SGCD: variants seen among roughly 807,000 people sequenced by gnomAD.
The protein encoded by SGCD is sarcoglycan delta.
Under a neutral mutation model 36.6 loss-of-function variants are expected in SGCD, and 18 were observed. That is an observed-to-expected ratio of 0.49 (90% CI 0.34 to 0.73). SGCD has a LOEUF of 0.73. Ranked by LOEUF, SGCD falls within the 30% of genes least tolerant of loss-of-function variation. The pLI is 0.01. For missense variants in SGCD, 387 were observed against 346.7 expected (o/e 1.12, Z -0.92); for synonymous variants, 133 against 130.6 (o/e 1.02, Z -0.12).
chr5:156,564,435 G>A (rs191740523), intron 4 of SGCD, among the ~76,000 whole-genome samples: 183 of 152,230 alleles, frequency 1.2e-3, no homozygotes, highest in Middle Eastern at 6.8e-3. Context: ...GGGCGACAGA[G>A]CAAGACTCCA....
At chr5:155,878,699 C>A (rs894284170) in intron 1 of SGCD, among the ~76,000 whole-genome samples, 3 of 152,034 alleles carry the variant, frequency 2.0e-5, no homozygotes, top group Non-Finnish European at 4.4e-5. Flanking sequence ...TGTTAGATTG[C>A]CAGCCAATGG....
At chr5:156,207,115 C>A (rs1764301495) in intron 3 of SGCD, among the ~76,000 whole-genome samples, 1 of 152,018 alleles carries the variant, frequency 6.6e-6, no homozygotes, top group Non-Finnish European at 1.5e-5. Context: ...TGTAGTGGCC[C>A]TTTGGAGATT....
intron 4 of SGCD, among the ~76,000 whole-genome samples, chr5:156,588,988 T>TTGTGTGTGTGTGTGTGTGTGTG (rs113243314): frequency 7.0e-6 from 1 of 143,060 alleles, no homozygotes; most frequent in African/African-American, 2.6e-5. Flanking sequence ...GGAATCTATA[T>TTGTGTGTGTGTGTGTGTGTGTG]TGTGTGTGTG....
chr5:155,754,714 C>T, the SGCD span, among the ~76,000 whole-genome samples: 2 of 152,178 alleles, frequency 1.3e-5, no homozygotes, highest in African/African-American at 4.8e-5. Flanking sequence ...TATTTTTCAA[C>T]AGACAAAAGG....
At chr5:156,752,898 T>C (rs1285230766) in intron 7 of SGCD, among the ~76,000 whole-genome samples, 1 of 152,142 alleles carries the variant, frequency 6.6e-6, no homozygotes, top group Non-Finnish European at 1.5e-5. Context: ...TTTAGGCCAG[T>C]GCCACATACC....
chr5:156,523,739 T>C (rs1757509272), intron 4 of SGCD, among the ~76,000 whole-genome samples: 1 of 151,986 alleles, frequency 6.6e-6, no homozygotes, highest in Non-Finnish European at 1.5e-5. Context: ...TTTGAAAACT[T>C]CATACTTTAT....
chr5:156,489,693 A>C (rs1222778397), intron 3 of SGCD, among the ~76,000 whole-genome samples: 1 of 152,092 alleles, frequency 6.6e-6, no homozygotes, highest in Non-Finnish European at 1.5e-5. Context: ...GAAACACAGC[A>C]TACCTAAACC....
the SGCD span, among the ~76,000 whole-genome samples, chr5:155,773,486 G>T: frequency 6.6e-6 from 1 of 152,184 alleles, no homozygotes; most frequent in South Asian, 2.1e-4. Flanking sequence ...GGCCTGCCCT[G>T]ACTTCTTTAA....
intron 4 of SGCD, among the ~76,000 whole-genome samples, chr5:156,516,723 G>A (rs1757192309): frequency 1.3e-5 from 2 of 152,182 alleles, no homozygotes; most frequent in Admixed American, 6.5e-5. Context: ...TGGGCTGGAC[G>A]AGGTGGCTCA....
chr5:156,571,569 G>C (rs961468285), intron 4 of SGCD, among the ~76,000 whole-genome samples: 1 of 152,008 alleles, frequency 6.6e-6, no homozygotes, highest in Admixed American at 6.6e-5. Context: ...CTTCACTGCT[G>C]TCTCATCTCT....
At chr5:156,310,679 A>G (rs1407305469) in intron 3 of SGCD, among the ~76,000 whole-genome samples, 4 of 152,200 alleles carry the variant, frequency 2.6e-5, no homozygotes, top group African/African-American at 9.6e-5. Flanking sequence ...CCATCTTCCC[A>G]TAATCATCTT....
At chr5:156,074,472 A>G (rs1240777179) in intron 1 of SGCD, among the ~76,000 whole-genome samples, 1 of 149,628 alleles carries the variant, frequency 6.7e-6, no homozygotes, top group Non-Finnish European at 1.5e-5. Flanking sequence ...TCACAAGATC[A>G]GGAGTTAGAA....
chr5:156,655,238 A>G (rs894195157), intron 7 of SGCD, among the ~76,000 whole-genome samples: 1 of 152,170 alleles, frequency 6.6e-6, no homozygotes, highest in African/African-American at 2.4e-5. Context: ...AGAAAATTAC[A>G]TCTATTTCAA....
intron 7 of SGCD, among the ~76,000 whole-genome samples, chr5:156,653,793 T>A (rs1763568268): frequency 6.6e-6 from 1 of 152,062 alleles, no homozygotes; most frequent in African/African-American, 2.4e-5. Flanking sequence ...ACTCTTCTGG[T>A]CTCTGACTTT....
At chr5:155,980,587 C>CAAAAAA (rs70981994) in intron 1 of SGCD, among the ~76,000 whole-genome samples, 1 of 47,218 alleles carries the variant, frequency 2.1e-5, no homozygotes, top group Non-Finnish European at 3.6e-5. Flanking sequence ...GACTCCCTAT[C>CAAAAAA]AAAAAAAAAA....
At chr5:156,016,371 T>C (rs927408670) in intron 1 of SGCD, among the ~76,000 whole-genome samples, 12 of 152,182 alleles carry the variant, frequency 7.9e-5, no homozygotes, top group African/African-American at 1.7e-4. Flanking sequence ...AGTTTTACAT[T>C]TTGTTCCCAT....
At chr5:155,849,503 A>G in the SGCD span, among the ~76,000 whole-genome samples, 1 of 152,052 alleles carries the variant, frequency 6.6e-6, no homozygotes. Flanking sequence ...AATAATTTGC[A>G]AAAATACATT....
chr5:156,616,777 A>C (rs1762035556), intron 6 of SGCD, among the ~76,000 whole-genome samples: 1 of 152,188 alleles, frequency 6.6e-6, no homozygotes, highest in African/African-American at 2.4e-5. Flanking sequence ...TGTCTACATC[A>C]GGAATTGGTC....
intron 3 of SGCD, among the ~76,000 whole-genome samples, chr5:156,263,323 G>C (rs1290393982): frequency 6.6e-6 from 1 of 151,980 alleles, no homozygotes; most frequent in Non-Finnish European, 1.5e-5. Flanking sequence ...TCTCATTGTG[G>C]TTTTGATTTG....
Sources: gnomAD v4.1 joint callset for allele counts (sites outside exome capture counted in the v4.1 genomes callset) on GRCh38, gnomAD v4.1.1 for gene constraint, MANE v1.5 for transcripts, NCBI Gene and HGNC (gene_info 2026-07-23, HGNC 2026-07-21) for gene names.